Variants in ANKAR observed in about 807,000 individuals in gnomAD.
The protein encoded by ANKAR is ankyrin and armadillo repeat containing, also known as ankyrin and armadillo repeat-containing protein.
In ANKAR, 136 loss-of-function variants were observed where a neutral mutation model predicts 146.2. That is an observed-to-expected ratio of 0.93 (90% CI 0.81 to 1.07). ANKAR has a LOEUF of 1.07. Among genes scored for constraint, ANKAR ranks in the 50% least tolerant of loss-of-function variants. The pLI is 0.00. For missense variants in ANKAR, 1,567 were observed against 1,679.9 expected (o/e 0.93, Z 1.18); for synonymous variants, 500 against 575.8 (o/e 0.87, Z 1.88).
At chr2:189,754,628 G>A (rs953642776) in intron 18 of ANKAR, 5 of 369,414 alleles carry the variant, frequency 1.4e-5, no homozygotes, top group African/African-American at 1.1e-4. Flanking sequence ...GCTTAATGAT[G>A]AACGTCAATA....
chr2:189,759,562 T>C (rs952982505), intron 18 of ANKAR, among the ~76,000 whole-genome samples: 1 of 152,138 alleles, frequency 6.6e-6, no homozygotes, highest in Non-Finnish European at 1.5e-5. Context: ...TTTTCCTATT[T>C]TACTGATGTG....
chr2:189,739,704 C>T lies in ANKAR; in HGVS notation c.3700+1022C>T, dbSNP rs548224766. On this transcript the variant is annotated intron_variant, in intron 19 of 22. Coordinates refer to ENST00000684021, the MANE Select transcript of ANKAR (RefSeq NM_001378068.1). ...TCAGCCTCCCGAGTAGCTGGGACTA[C>T]AAGCATGCACCACCAAGGCCAGCTA... Among the ~76,000 whole-genome samples the T allele has an allele frequency of 2.0e-5, 3 of 152,046 alleles. No individual in the cohort carries two copies. The East Asian group carries it at 5.8e-4, about 29-fold the overall frequency.
intron 4 of ANKAR, chr2:189,692,862 T>G (rs1161753186): frequency 2.8e-5 from 9 of 321,022 alleles, no homozygotes; most frequent in Non-Finnish European, 5.1e-5. Flanking sequence ...TTGTTATTGC[T>G]TTTCTACCTT....
At chr2:189,747,382 CAGAAA>C (rs1267313449), downstream of ANKAR, 13 of 131,832 alleles carry the variant, frequency 9.9e-5, no homozygotes, top group Non-Finnish European at 1.5e-4. Flanking sequence ...GTGGATGAAG[CAGAAA>C]AGAAAAATTA....
chr2:189,683,731 C>G (rs2035103533), intron 2 of ANKAR, among the ~76,000 whole-genome samples: 1 of 152,182 alleles, frequency 6.6e-6, no homozygotes, highest in Non-Finnish European at 1.5e-5. Flanking sequence ...TTTGGGAAAA[C>G]AGCAGCTCCT....
At position 189,742,949 on chromosome 2, in the gene ANKAR, CA is replaced by C. The variant is rs1299762272; in HGVS notation, c.3811-325del. ...ACACACACACACACACACACACACA[CA>C]CACACACACACACACACACACACAC... On this transcript the variant is annotated intron_variant, in intron 20 of 22. Transcript: ENST00000684021. 6.9e-5 allele frequency among the ~76,000 whole-genome samples: 10 copies of C among 144,264 alleles called. No individual in the cohort carries two copies. In the South Asian group the frequency reaches 1.1e-3, roughly 16 times the overall value. 94.6% of individuals were successfully genotyped at this position (144,264 alleles called of 152,430 possible). A position where few individuals can be genotyped will look rare whatever the true frequency, so the allele number is the denominator to read the frequency against.
intron 7 of ANKAR, among the ~76,000 whole-genome samples, chr2:189,704,689 C>A (rs1011021990): frequency 1.4e-5 from 2 of 146,696 alleles, no homozygotes; most frequent in African/African-American, 2.5e-5. Flanking sequence ...CTATTTTACA[C>A]ATTGACTTAA....
chr2:189,733,025 T>G, intron 16 of ANKAR, 82 bp from the exon 17 acceptor site: 1 of 1,336,414 alleles, frequency 7.5e-7, no homozygotes. Flanking sequence ...CCACAATGTA[T>G]TCTATATAAA....
At chr2:189,713,125 G>A (rs2039940690) in intron 10 of ANKAR, among the ~76,000 whole-genome samples, 1 of 152,152 alleles carries the variant, frequency 6.6e-6, no homozygotes, top group African/African-American at 2.4e-5. Context: ...TATATGAAAA[G>A]ACCAAATCTA....
chr2:189,728,806 G>A lies in ANKAR; in HGVS notation c.3178G>A (p.Gly1060Arg). ...ACTTCTCAGTGTCATCAGAGCAGTG[G>A]GATCCATTTGTATTGGTTTGTATAC... The part of the protein sequence containing the change: ...GTLLSVIRAV[G>R]SICIGVAHTS... The change falls in exon 15 of 23, where the codon GGA becomes AGA. Residue 1060 changes from glycine to arginine, a missense_variant. Coordinates refer to ENST00000684021, the MANE Select transcript of ANKAR (RefSeq NM_001378068.1). 6.2e-7 allele frequency: 1 copy of A among 1,613,252 alleles called. No homozygotes were observed. The highest frequency in any genetic ancestry group is 8.5e-7 in the Non-Finnish European group (1 of 1,179,572).
Position 189,760,792 on chromosome 2 carries a change from C to CA in ANKAR, c.*585-297dup, listed in dbSNP as rs574060051. ...GTGACAGAGTGAGACTCTGTCTCAC[C>CA]AAAAAAAAAGAAAAAAAAAATCTGG... On this transcript the variant is annotated intron_variant and NMD_transcript_variant, in intron 18 of 18. Transcript: ENST00000441800. Among the ~76,000 whole-genome samples, 240 of 142,884 alleles carry CA rather than the reference C, an allele frequency of 1.7e-3. 6 individuals carry two copies. The South Asian group carries it at 0.043, about 26-fold the overall frequency. 93.7% of individuals were successfully genotyped at this position (142,884 alleles called of 152,430 possible).
At chr2:189,738,529 A>T (rs1026466624) in intron 18 of ANKAR, 36 bp from the exon 19 acceptor site, 4 of 1,297,504 alleles carry the variant, frequency 3.1e-6, no homozygotes, top group Non-Finnish European at 4.3e-6. Flanking sequence ...TGAGTAGAAA[A>T]TGTTCAAAGA....
At chr2:189,729,979 GA>G (rs897525604) in intron 15 of ANKAR, among the ~76,000 whole-genome samples, 120 of 143,180 alleles carry the variant, frequency 8.4e-4, no homozygotes, top group Middle Eastern at 3.5e-3. Flanking sequence ...GCAAGGAGTG[GA>G]AAAAAAAAAA....
At chr2:189,733,303 T>G in intron 17 of ANKAR, 74 bp downstream of exon 17, 5 of 1,271,128 alleles carry the variant, frequency 3.9e-6, no homozygotes, top group Non-Finnish European at 5.4e-6. Context: ...AATTATCAAG[T>G]CTTCTTCATG....
intron 7 of ANKAR, among the ~76,000 whole-genome samples, chr2:189,699,244 G>C (rs1337666740): frequency 6.6e-6 from 1 of 152,188 alleles, no homozygotes. Context: ...TCAGATTAGA[G>C]GCAAGGAGAG....
In ANKAR at chr2:189,719,732, T is replaced by C; in HGVS notation, c.2385T>C (p.Asp795=). The change falls in exon 11 of 23, where the codon GAT becomes GAC. Residue 795 remains aspartate (D), a synonymous_variant. Transcript: ENST00000684021. ...IPSLINLLVC[D]EPEVHSRCAV... is the part of the protein sequence containing the mutation. ...CTCTAATCAACCTACTGGTTTGTGATGAGCCTGAAGTACACTCTCGCTGTG... is the reference window on the plus strand; with the variant it reads ...CTCTAATCAACCTACTGGTTTGTGACGAGCCTGAAGTACACTCTCGCTGTG... 6.2e-7 allele frequency: 1 copy of C among 1,614,070 alleles called. No homozygotes were observed. The highest frequency in any genetic ancestry group is 1.3e-5 in the African/African-American group (1 of 75,074).
intron 3 of ANKAR, among the ~76,000 whole-genome samples, chr2:189,690,640 T>C (rs888946985): frequency 6.6e-6 from 1 of 152,240 alleles, no homozygotes; most frequent in African/African-American, 2.4e-5. Context: ...TGGCAAATTT[T>C]CAGCAGAAAT....
chr2:189,728,762 G>C lies in ANKAR; in HGVS notation c.3134G>C (p.Ser1045Thr). The change falls in exon 15 of 23, where the codon AGT becomes ACT. Residue 1045 changes from serine to threonine, a missense_variant. By Grantham distance (58) the Ser-to-Thr change is moderately conservative (BLOSUM62 1). Coordinates refer to ENST00000684021, the MANE Select transcript of ANKAR (RefSeq NM_001378068.1). ...IAPLVRLLRI[S>T]TIAEGTLLSV... ...CCATTGGTTCGCTTACTAAGAATTA[G>C]TACGATTGCTGAAGGCACACTTCTC... The C allele has an allele frequency of 6.2e-7, 1 of 1,614,056 alleles. No homozygotes were observed. Among genetic ancestry groups the C allele is most frequent in the Non-Finnish European group, 8.5e-7 (1 of 1,179,936 alleles).
At chr2:189,736,505 TGTGTGTGTGTGTGTG>T (rs2042858847) in intron 17 of ANKAR, among the ~76,000 whole-genome samples, 2 of 138,346 alleles carry the variant, frequency 1.4e-5, no homozygotes, top group African/African-American at 5.2e-5. Context: ...CTGGGTTTTG[TGTGTGTGTGTGTGTG>T]TGTGTGTGTG....
Sources: allele counts gnomAD v4.1 joint callset (sites outside exome capture counted in the v4.1 genomes callset), GRCh38; gene constraint gnomAD v4.1.1; transcripts MANE v1.5; gene names NCBI Gene and HGNC (gene_info 2026-07-23, HGNC 2026-07-21).